The following AHCY variants were observed in gnomAD, a reference collection of about 807,000 sequenced individuals.
AHCY encodes S-adenosyl-L-homocysteine hydrolase.
In AHCY, 24 loss-of-function variants were observed where a neutral mutation model predicts 45.4. The observed-to-expected ratio is 0.53, with a 90% CI of 0.38 to 0.74. The LOEUF is 0.74. Among genes scored for constraint, AHCY ranks in the 30% least tolerant of loss-of-function variants. The probability of loss-of-function intolerance (pLI) is 0.00; values close to 1 mark genes in which losing one functional copy is unlikely to be tolerated. For synonymous variants in AHCY, 245 were observed against 235.1 expected (o/e 1.04, Z -0.39); for missense variants, 449 against 594.1 (o/e 0.76, Z 2.54).
the AHCY span, among the ~76,000 whole-genome samples, chr20:34,261,866 G>A: frequency 3.9e-5 from 6 of 152,032 alleles, no homozygotes; most frequent in South Asian, 2.1e-4. Context: ...TAATCCCAGC[G>A]CTTTGGGAGG....
the AHCY span, chr20:34,246,518 C>A: frequency 8.3e-7 from 1 of 1,210,546 alleles, no homozygotes. Context: ...ATCAGCCCCA[C>A]TGGATTCAGA....
At chr20:34,287,856 C>T (rs935861391) in intron 8 of AHCY, among the ~76,000 whole-genome samples, 7 of 152,166 alleles carry the variant, frequency 4.6e-5, no homozygotes, top group Middle Eastern at 3.4e-3. Flanking sequence ...CTTGAGAGGA[C>T]GGACAAGAGA....
In AHCY at chr20:34,285,467, G is replaced by A. The variant is rs764698901; in HGVS notation, c.1140C>T (p.Pro380=). Residue 380 remains proline (P), a synonymous_variant, in exon 9 of 10, where the codon CCC becomes CCT. Transcript: ENST00000217426. The stretch of plus-strand genomic sequence containing the variant: ...TCTTGGGCAGGAAATGAACCCCAAC[G>A]GGGTACTTGTCTGGATGGGTCCACA... The part of the protein sequence containing the change: ...IELWTHPDKY[P]VGVHFLPKKL... The A allele has an allele frequency of 1.2e-5, 20 of 1,613,918 alleles. No individual in the cohort carries two copies. In the East Asian group the frequency reaches 1.3e-4, roughly 11 times the overall value.
the AHCY span, chr20:34,268,911 C>T: frequency 6.6e-7 from 1 of 1,518,852 alleles, no homozygotes. Flanking sequence ...ATCTCCCTAG[C>T]CCGAGGAGCT....
At chr20:34,265,400 T>C in the AHCY span, among the ~76,000 whole-genome samples, 1 of 152,106 alleles carries the variant, frequency 6.6e-6, no homozygotes, top group Non-Finnish European at 1.5e-5. Flanking sequence ...GGTGTGCTCC[T>C]GTAGTCCCAG....
At chr20:34,285,775 A>T in intron 8 of AHCY, 141 bp from the exon 9 acceptor site, 1 of 898,276 alleles carries the variant, frequency 1.1e-6, no homozygotes. Flanking sequence ...CACATGGCTT[A>T]GCACAAAAAT....
chr20:34,288,629 C>A (rs2036265180), intron 8 of AHCY, among the ~76,000 whole-genome samples: 1 of 151,928 alleles, frequency 6.6e-6, no homozygotes, highest in Non-Finnish European at 1.5e-5. Flanking sequence ...CATGATCATG[C>A]CACTGCCCTC....
At chr20:34,244,014 G>A in the AHCY span, among the ~76,000 whole-genome samples, 5 of 152,268 alleles carry the variant, frequency 3.3e-5, no homozygotes, top group Middle Eastern at 3.4e-3. Context: ...GCAGTGAGCC[G>A]AGATTGCGCC....
At chr20:34,267,459 C>CAAAAAAAA in the AHCY span, among the ~76,000 whole-genome samples, 15 of 46,264 alleles carry the variant, frequency 3.2e-4, no homozygotes, top group East Asian at 7.1e-4. Flanking sequence ...AACTGGCTCT[C>CAAAAAAAA]AAAAAAAAAA....
intron 1 of AHCY, among the ~76,000 whole-genome samples, chr20:34,297,657 T>C (rs962541090): frequency 1.3e-5 from 2 of 152,012 alleles, no homozygotes; most frequent in Non-Finnish European, 2.9e-5. Flanking sequence ...TCCTATGACA[T>C]TTTCCTAGTA....
At chr20:34,303,418 G>C, upstream of AHCY, 1 of 1,212,478 alleles carries the variant, frequency 8.2e-7, no homozygotes, top group Non-Finnish European at 1.2e-6. Context: ...ATGACCCGCT[G>C]GGGCGGGGCC....
the AHCY span, among the ~76,000 whole-genome samples, chr20:34,258,674 C>CATATATATATATATAT: frequency 7.7e-3 from 93 of 12,146 alleles, 11 homozygotes; most frequent in Admixed American, 0.019. Flanking sequence ...AGGGGGATGC[C>CATATATATATATATAT]ATATATATAT....
At chr20:34,310,435 T>C (rs568950429) in intron 1 of AHCY, among the ~76,000 whole-genome samples, 2 of 152,298 alleles carry the variant, frequency 1.3e-5, no homozygotes, top group East Asian at 3.9e-4. Flanking sequence ...GGTAAGAGTG[T>C]GGGGAAACAG....
At chr20:34,247,357 A>G in the AHCY span, among the ~76,000 whole-genome samples, 16 of 148,922 alleles carry the variant, frequency 1.1e-4, no homozygotes, top group Non-Finnish European at 5.9e-5. Flanking sequence ...CTGGAGTGCA[A>G]TGGTGTGATC....
At chr20:34,267,250 A>G in the AHCY span, among the ~76,000 whole-genome samples, 1 of 152,122 alleles carries the variant, frequency 6.6e-6, no homozygotes, top group East Asian at 1.9e-4. Context: ...CAGATGTTAA[A>G]GAGTGCAAAG....
chr20:34,289,030 G>A (rs2036279780), intron 8 of AHCY, among the ~76,000 whole-genome samples: 1 of 152,132 alleles, frequency 6.6e-6, no homozygotes, highest in South Asian at 2.1e-4. Context: ...TTGAGATGGA[G>A]TCTCGCTCTG....
chr20:34,275,717 C>G (rs73610830), downstream of AHCY, among the ~76,000 whole-genome samples: 38,745 of 149,110 alleles, frequency 0.26, 6,277 homozygotes, highest in East Asian at 0.41. Context: ...CTTGCTCTGT[C>G]CCCCAGACTG....
upstream of AHCY, among the ~76,000 whole-genome samples, chr20:34,304,462 GGTT>G (rs769390842): frequency 4.0e-5 from 6 of 151,292 alleles, no homozygotes; most frequent in East Asian, 3.9e-4. Flanking sequence ...CTATGCAAAT[GGTT>G]GTTTTGTAAT....
chr20:34,305,294 G>A (rs538231426), upstream of AHCY, among the ~76,000 whole-genome samples: 6 of 152,002 alleles, frequency 3.9e-5, no homozygotes, highest in East Asian at 2.0e-4. Flanking sequence ...ACTGCACTCC[G>A]GCCTGGGCGA....
Sources: allele counts gnomAD v4.1 joint callset (sites outside exome capture counted in the v4.1 genomes callset), GRCh38; gene constraint gnomAD v4.1.1; transcripts MANE v1.5; gene names NCBI Gene and HGNC (gene_info 2026-07-23, HGNC 2026-07-21).